Variants in GALNT5 observed in about 807,000 individuals in gnomAD.
The protein encoded by GALNT5 is UDP-GalNAc:polypeptide N-acetylgalactosaminyltransferase 5.
GALNT5 carries 72 observed loss-of-function variants against 85.4 expected under a neutral mutation model. The observed-to-expected ratio is 0.84, with a 90% CI of 0.70 to 1.03. GALNT5 has a LOEUF of 1.03. Among genes scored for constraint, GALNT5 ranks in the 50% least tolerant of loss-of-function variants. The pLI, the probability that GALNT5 is intolerant of heterozygous loss-of-function variation, is 0.00. For missense variants in GALNT5, 1,137 were observed against 1,135.5 expected, an observed-to-expected ratio of 1.00 and a Z score of -0.02; for synonymous variants, 404 against 397.0, an observed-to-expected ratio of 1.02 and a Z score of -0.21.
chr2:157,300,592 C>A, intron 6 of GALNT5, 84 bp from the exon 7 acceptor site: 3 of 1,057,704 alleles, frequency 2.8e-6, no homozygotes. Context: ...TAGGGGGAAA[C>A]AAGGTGGTTT....
chr2:157,280,518 C>T (rs1048178253), intron 1 of GALNT5, among the ~76,000 whole-genome samples: 1 of 152,150 alleles, frequency 6.6e-6, no homozygotes, highest in African/African-American at 2.4e-5. Context: ...GAATTCTGGA[C>T]CCCAGAAATG....
intron 6 of GALNT5, among the ~76,000 whole-genome samples, chr2:157,300,394 G>A (rs1351853738): frequency 6.6e-6 from 1 of 152,104 alleles, no homozygotes; most frequent in Non-Finnish European, 1.5e-5. Context: ...AAGAACTCAT[G>A]TTTTACAAAA....
chr2:157,299,740 A>T, intron 6 of GALNT5, 75 bp downstream of exon 6: 1 of 784,462 alleles, frequency 1.3e-6, no homozygotes, highest in Non-Finnish European at 2.1e-6. Flanking sequence ...TTTTACTACC[A>T]TAATCAGGTA....
At chr2:157,286,892 C>CTGTG (rs1558897523) in intron 3 of GALNT5, among the ~76,000 whole-genome samples, 4 of 121,286 alleles carry the variant, frequency 3.3e-5, no homozygotes, top group South Asian at 2.7e-4. Context: ...GTTTAAATAC[C>CTGTG]AGTGTGTGTG....
At chr2:157,269,899 C>T (rs1272904785) in intron 1 of GALNT5, among the ~76,000 whole-genome samples, 1 of 152,014 alleles carries the variant, frequency 6.6e-6, no homozygotes, top group Admixed American at 6.5e-5. Flanking sequence ...ACTTCACAGC[C>T]GGGCTTGTTG....
chr2:157,268,552 C>A (rs1210301295), intron 1 of GALNT5, among the ~76,000 whole-genome samples: 1 of 152,202 alleles, frequency 6.6e-6, no homozygotes. Flanking sequence ...TAATCTTCAT[C>A]CTAAAAGTGA....
intron 3 of GALNT5, among the ~76,000 whole-genome samples, chr2:157,292,486 C>G (rs1683121896): frequency 6.6e-6 from 1 of 152,164 alleles, no homozygotes; most frequent in African/African-American, 2.4e-5. Context: ...ATGCTGCTTC[C>G]CTTAGGTCCT....
intron 3 of GALNT5, among the ~76,000 whole-genome samples, chr2:157,292,216 C>G (rs1319334381): frequency 6.6e-6 from 1 of 152,152 alleles, no homozygotes; most frequent in East Asian, 1.9e-4. Context: ...AACTTTAATG[C>G]TATGCTTATT....
intron 8 of GALNT5, 84 bp downstream of exon 8, chr2:157,305,913 T>C: frequency 1.3e-6 from 1 of 764,090 alleles, no homozygotes; most frequent in Non-Finnish European, 2.2e-6. Context: ...AATTCATCTT[T>C]GCCCAACAGA....
At chr2:157,295,858 A>G in intron 4 of GALNT5, 60 bp downstream of exon 4, 2 of 1,312,096 alleles carry the variant, frequency 1.5e-6, no homozygotes, top group Non-Finnish European at 2.2e-6. Context: ...AAGCAGCAGA[A>G]AGTGCTGAGT....
At chr2:157,303,096 A>G (rs1683374907) in intron 7 of GALNT5, among the ~76,000 whole-genome samples, 1 of 152,212 alleles carries the variant, frequency 6.6e-6, no homozygotes, top group South Asian at 2.1e-4. Flanking sequence ...CGGAATTTAG[A>G]TCCAGTGAAA....
At chr2:157,272,896 T>C (rs1040245213) in intron 1 of GALNT5, among the ~76,000 whole-genome samples, 2 of 152,216 alleles carry the variant, frequency 1.3e-5, no homozygotes, top group African/African-American at 4.8e-5. Flanking sequence ...CTTGCTCAAA[T>C]GGTAGTTCTG....
At chr2:157,260,698 T>C (rs1682317958) in intron 1 of GALNT5, among the ~76,000 whole-genome samples, 1 of 152,252 alleles carries the variant, frequency 6.6e-6, no homozygotes, top group Non-Finnish European at 1.5e-5. Flanking sequence ...CATTACATTT[T>C]AGTCAGTGTT....
chr2:157,281,209 C>T (rs140952367), intron 1 of GALNT5, among the ~76,000 whole-genome samples: 4 of 152,134 alleles, frequency 2.6e-5, no homozygotes, highest in African/African-American at 7.2e-5. Context: ...GGATTACAGG[C>T]ACCCGCAACG....
intron 2 of GALNT5, among the ~76,000 whole-genome samples, chr2:157,285,044 G>T (rs1164854571): frequency 6.6e-6 from 1 of 152,196 alleles, no homozygotes; most frequent in Non-Finnish European, 1.5e-5. Flanking sequence ...AATAACCTGT[G>T]TATGTAGGTG....
rs115414761 is a variant in GALNT5 at position 157,258,781 on chromosome 2, A to G, written c.699A>G (p.Ala233=). Residue 233 remains alanine, a synonymous_variant, in exon 1 of 10, where the codon GCA becomes GCG. Coordinates refer to ENST00000259056, the MANE Select transcript of GALNT5 (RefSeq NM_014568.3). ...STDRPKQRSQ[A]VANERAHPAS... is the part of the protein sequence containing the mutation. ...ATAGACCAAAGCAGCGATCACAGGC[A>G]GTAGCAAACGAGAGGGCACACCCTG... is the stretch of plus-strand genomic sequence containing the variant. The G allele has an allele frequency of 2.2e-4, 360 of 1,608,144 alleles. 2 individuals carry two copies. The African/African-American group carries it at 4.2e-3, about 19-fold the overall frequency.
intron 3 of GALNT5, among the ~76,000 whole-genome samples, chr2:157,287,896 A>G (rs1683013286): frequency 6.6e-6 from 1 of 152,208 alleles, no homozygotes; most frequent in Non-Finnish European, 1.5e-5. Flanking sequence ...GAATCCTCAC[A>G]ATAACTCTAT....
Position 157,258,604 on chromosome 2 carries a change from A to G in GALNT5, c.522A>G (p.Ile174Met), listed in dbSNP as rs1166292463. Reference sequence around the variant, plus strand: ...AGGGGGCTCCAAAGACCTCATTCATAGCAGCAAAAGGAACTCAGGTAGTCA... The same window carrying G: ...AGGGGGCTCCAAAGACCTCATTCATGGCAGCAAAAGGAACTCAGGTAGTCA... Reference protein sequence around the residue: ...TAQGAPKTSFIAAKGTQVVKI... With the variant: ...TAQGAPKTSFMAAKGTQVVKI... The change falls in exon 1 of 10, where the codon ATA becomes ATG. Residue 174 changes from isoleucine to methionine, a missense_variant. Transcript: ENST00000259056. 1.2e-6 allele frequency: 2 copies of G among 1,613,578 alleles called. No homozygotes were observed. The highest frequency in any genetic ancestry group is 4.5e-5 in the East Asian group (2 of 44,810).
intron 3 of GALNT5, among the ~76,000 whole-genome samples, chr2:157,289,020 T>C (rs1008909271): frequency 3.9e-5 from 6 of 152,216 alleles, no homozygotes; most frequent in East Asian, 1.9e-4. Flanking sequence ...AGGTTTGGAA[T>C]TGCAGTTGAG....
Sources: gnomAD v4.1 joint callset for allele counts (sites outside exome capture counted in the v4.1 genomes callset) on GRCh38, gnomAD v4.1.1 for gene constraint, MANE v1.5 for transcripts, NCBI Gene and HGNC (gene_info 2026-07-23, HGNC 2026-07-21) for gene names.